The following RGS6 variants were observed in gnomAD, a reference collection of about 807,000 sequenced individuals.
The protein encoded by RGS6 is regulator of G protein signaling 6.
A neutral mutation model predicts 78.5 loss-of-function variants in RGS6; 30 were observed. The observed-to-expected ratio is 0.38, with a 90% CI of 0.29 to 0.52. The LOEUF (loss-of-function observed/expected upper bound fraction) is 0.52, where lower values mean the gene tolerates loss of function less well. Among genes scored for constraint, RGS6 ranks in the 20% least tolerant of loss-of-function variants. The pLI is 0.85. For missense variants in RGS6, 495 were observed against 609.7 expected, an observed-to-expected ratio of 0.81 and a Z score of 1.98; for synonymous variants, 206 against 206.0, an observed-to-expected ratio of 1.00 and a Z score of 0.00.
intron 2 of RGS6, among the ~76,000 whole-genome samples, chr14:72,146,144 G>A (rs981278356): frequency 6.6e-6 from 1 of 152,012 alleles, no homozygotes; most frequent in Admixed American, 6.6e-5. Context: ...GCAACAGAGG[G>A]CCAAACTCAC....
At chr14:72,320,822 T>C (rs1406271714) in intron 2 of RGS6, among the ~76,000 whole-genome samples, 1 of 150,846 alleles carries the variant, frequency 6.6e-6, no homozygotes, top group Non-Finnish European at 1.5e-5. Flanking sequence ...TCATTCATCA[T>C]CTCATTTAAA....
chr14:72,271,345 T>C (rs2059907461), intron 2 of RGS6, among the ~76,000 whole-genome samples: 1 of 152,178 alleles, frequency 6.6e-6, no homozygotes, highest in South Asian at 2.1e-4. Context: ...CTCCCATTTA[T>C]AAAACCATCA....
chr14:72,558,182 C>G (rs1007269161), intron 17 of RGS6, among the ~76,000 whole-genome samples: 5 of 152,142 alleles, frequency 3.3e-5, no homozygotes, highest in South Asian at 2.1e-4. Flanking sequence ...TTCTTTCCCC[C>G]ATAATAGCCT....
chr14:72,567,444 G>T (rs1177501503), downstream of RGS6, among the ~76,000 whole-genome samples: 4 of 152,200 alleles, frequency 2.6e-5, no homozygotes, highest in African/African-American at 9.7e-5. Flanking sequence ...GGCTGTTGCT[G>T]TGCATGCACT....
intron 3 of RGS6, among the ~76,000 whole-genome samples, chr14:72,420,016 G>A (rs185739536): frequency 6.6e-6 from 1 of 152,326 alleles, no homozygotes; most frequent in East Asian, 1.9e-4. Context: ...GGGGAGGGAG[G>A]TGTTTGTCAG....
chr14:72,030,383 G>C (rs925921242), intron 2 of RGS6, among the ~76,000 whole-genome samples: 23 of 152,154 alleles, frequency 1.5e-4, no homozygotes, highest in Non-Finnish European at 2.4e-4. Flanking sequence ...GGAAATAAAA[G>C]TTTGAAAAAA....
At chr14:72,352,217 T>C in intron 3 of RGS6, 23 bp downstream of exon 3, 5 of 1,576,306 alleles carry the variant, frequency 3.2e-6, no homozygotes, top group Non-Finnish European at 3.5e-6. Flanking sequence ...TTGCAAGGTG[T>C]TGGTAACAGT....
chr14:72,179,395 A>C (rs1024037855), intron 2 of RGS6, among the ~76,000 whole-genome samples: 7 of 152,304 alleles, frequency 4.6e-5, no homozygotes, highest in Admixed American at 3.3e-4. Context: ...AGCACCGCTC[A>C]GTTTATAATA....
intron 16 of RGS6, among the ~76,000 whole-genome samples, chr14:72,539,053 C>T (rs908474361): frequency 9.2e-5 from 14 of 152,212 alleles, no homozygotes; most frequent in South Asian, 2.1e-4. Flanking sequence ...GACCCTGGAA[C>T]GGGATCCAGG....
At chr14:72,225,723 A>T (rs541559772) in intron 2 of RGS6, among the ~76,000 whole-genome samples, 1 of 152,332 alleles carries the variant, frequency 6.6e-6, no homozygotes, top group Admixed American at 6.5e-5. Context: ...GTATTCCTCT[A>T]GCAAAAATTC....
intron 2 of RGS6, among the ~76,000 whole-genome samples, chr14:72,037,377 G>A (rs760891126): frequency 3.3e-4 from 51 of 152,256 alleles, no homozygotes; most frequent in Admixed American, 2.6e-4. Context: ...CACTCACTGC[G>A]AAGGTCTGCG....
At chr14:72,493,775 A>T (rs537902067) in intron 12 of RGS6, among the ~76,000 whole-genome samples, 1 of 152,270 alleles carries the variant, frequency 6.6e-6, no homozygotes, top group South Asian at 2.1e-4. Flanking sequence ...CCAGAAAAAA[A>T]AAAACATGGA....
At chr14:72,575,611 T>G in the RGS6 span, among the ~76,000 whole-genome samples, 2 of 152,110 alleles carry the variant, frequency 1.3e-5, no homozygotes, top group African/African-American at 4.8e-5. Flanking sequence ...CTCCACCACC[T>G]CCATCAGTTC....
intron 2 of RGS6, among the ~76,000 whole-genome samples, chr14:72,199,289 C>T (rs1258964478): frequency 6.6e-6 from 1 of 152,170 alleles, no homozygotes; most frequent in African/African-American, 2.4e-5. Flanking sequence ...CATTTTAATG[C>T]AGTCAATTGT....
At chr14:71,907,472 A>C in the RGS6 span, among the ~76,000 whole-genome samples, 3 of 152,144 alleles carry the variant, frequency 2.0e-5, no homozygotes, top group South Asian at 6.2e-4. Flanking sequence ...AGGAAGAACC[A>C]AGGGGAGAGG....
chr14:72,285,811 T>C (rs1328095693), intron 2 of RGS6, among the ~76,000 whole-genome samples: 4 of 152,250 alleles, frequency 2.6e-5, no homozygotes, highest in African/African-American at 9.6e-5. Context: ...TTTTATGTCA[T>C]TTTTTGAGAA....
At chr14:72,050,118 C>A (rs2093134630) in intron 2 of RGS6, among the ~76,000 whole-genome samples, 1 of 151,952 alleles carries the variant, frequency 6.6e-6, no homozygotes, top group African/African-American at 2.4e-5. Context: ...CAAATGAAGT[C>A]CCAATTTAAT....
intron 6 of RGS6, among the ~76,000 whole-genome samples, chr14:72,461,697 CAAAG>C (rs1282800818): frequency 6.6e-6 from 1 of 152,014 alleles, no homozygotes; most frequent in Non-Finnish European, 1.5e-5. Context: ...GTCTCTAAAA[CAAAG>C]AAAAACCAGT....
intron 3 of RGS6, among the ~76,000 whole-genome samples, chr14:72,369,033 G>A (rs6574067): frequency 0.56 from 85,627 of 151,840 alleles, 25,765 homozygotes; most frequent in African/African-American, 0.78. Flanking sequence ...GATAGCTGAT[G>A]AACTAGAAAA....
Sources: gnomAD v4.1 joint callset for allele counts (sites outside exome capture counted in the v4.1 genomes callset) on GRCh38, gnomAD v4.1.1 for gene constraint, MANE v1.5 for transcripts, NCBI Gene and HGNC (gene_info 2026-07-23, HGNC 2026-07-21) for gene names.